The following DOK6 variants were observed in gnomAD, a reference collection of about 807,000 sequenced individuals.
DOK6 encodes the protein docking protein 6.
A neutral mutation model predicts 44.0 loss-of-function variants in DOK6; 22 were observed. The ratio of observed to expected loss-of-function variants is 0.50; its 90% confidence interval spans 0.36 to 0.71. DOK6 has a LOEUF of 0.71. Ranked by LOEUF, DOK6 falls within the 30% of genes least tolerant of loss-of-function variation. The pLI is 0.00. For synonymous variants in DOK6, 166 were observed against 145.5 expected, an observed-to-expected ratio of 1.14 and a Z score of -1.01; for missense variants, 340 against 416.4, an observed-to-expected ratio of 0.82 and a Z score of 1.60.
Position 69,627,730 on chromosome 18 carries a change from G to A in DOK6, c.289+28232G>A, listed in dbSNP as rs764506998. 1.6e-4 allele frequency among the ~76,000 whole-genome samples: 25 copies of A among 152,244 alleles called. 1 individual carries two copies. The highest frequency in any genetic ancestry group is 3.4e-3 in the Middle Eastern group (1 of 294). On this transcript the variant is annotated intron_variant, in intron 3 of 7. Transcript: ENST00000382713. ...TCCCAAAGTGCTGGGATTTACAGGC[G>A]TGACCACCATGCCTGGCCTCACCTT...
intron 5 of DOK6, among the ~76,000 whole-genome samples, chr18:69,701,276 A>G (rs750374559): frequency 6.6e-6 from 1 of 152,252 alleles, no homozygotes. Context: ...TCAGCGCAGC[A>G]TGGCGCCCAG....
intron 3 of DOK6, among the ~76,000 whole-genome samples, chr18:69,653,231 C>T (rs116062612): frequency 0.014 from 2,140 of 151,638 alleles, 51 homozygotes; most frequent in African/African-American, 0.049. Flanking sequence ...ACACAGGCTG[C>T]AAGCCCACCC....
chr18:69,753,824 CT>C (rs11400448), intron 6 of DOK6, among the ~76,000 whole-genome samples: 2 of 149,888 alleles, frequency 1.3e-5, no homozygotes, highest in African/African-American at 4.9e-5. Flanking sequence ...CTGTTTGAGA[CT>C]TTTTTTTTTA....
chr18:69,522,769 G>C (rs1314414644), intron 1 of DOK6, among the ~76,000 whole-genome samples: 2 of 152,060 alleles, frequency 1.3e-5, no homozygotes, highest in Non-Finnish European at 2.9e-5. Context: ...ATATCTCCTT[G>C]TGGGACATTG....
chr18:69,440,805 C>G (rs945208923), intron 1 of DOK6, among the ~76,000 whole-genome samples: 1 of 151,626 alleles, frequency 6.6e-6, no homozygotes, highest in Non-Finnish European at 1.5e-5. Flanking sequence ...ATACGTTGAA[C>G]ATGAAACAAA....
At chr18:69,803,441 A>G (rs1232968344) in intron 7 of DOK6, among the ~76,000 whole-genome samples, 2 of 152,212 alleles carry the variant, frequency 1.3e-5, no homozygotes, top group African/African-American at 2.4e-5. Context: ...TGTCAAATGC[A>G]AGAAAACTGT....
chr18:69,755,420 C>T (rs1979323865), intron 6 of DOK6, among the ~76,000 whole-genome samples: 1 of 152,092 alleles, frequency 6.6e-6, no homozygotes, highest in East Asian at 1.9e-4. Flanking sequence ...AATTATAATA[C>T]ATTAGAAAAA....
At chr18:69,582,621 G>T (rs1247044111) in intron 2 of DOK6, among the ~76,000 whole-genome samples, 3 of 151,876 alleles carry the variant, frequency 2.0e-5, no homozygotes, top group Admixed American at 2.0e-4. Context: ...ATCATCAGTG[G>T]TTTCTATAAT....
intron 1 of DOK6, among the ~76,000 whole-genome samples, chr18:69,440,058 C>T (rs905085042): frequency 6.6e-6 from 1 of 152,092 alleles, no homozygotes; most frequent in African/African-American, 2.4e-5. Flanking sequence ...CACTTAGAGG[C>T]CATTGTAGGG....
At chr18:69,721,328 C>T (rs1010577269) in intron 5 of DOK6, 3 of 152,274 alleles carry the variant, frequency 2.0e-5, no homozygotes, top group East Asian at 1.9e-4. Context: ...ACCTGAAGAG[C>T]GAGAATTTTA....
At chr18:69,555,376 G>T (rs1003600173) in intron 1 of DOK6, among the ~76,000 whole-genome samples, 10 of 152,096 alleles carry the variant, frequency 6.6e-5, no homozygotes, top group Non-Finnish European at 1.5e-4. Flanking sequence ...TGAAATAGGT[G>T]TAGTCTTTTT....
At chr18:69,710,518 G>C (rs1478510755) in intron 5 of DOK6, among the ~76,000 whole-genome samples, 1 of 152,124 alleles carries the variant, frequency 6.6e-6, no homozygotes, top group Non-Finnish European at 1.5e-5. Context: ...TTTGTGTTTG[G>C]AGGTCAAAGA....
At chr18:69,570,320 G>A (rs1271771135) in intron 2 of DOK6, among the ~76,000 whole-genome samples, 1 of 151,964 alleles carries the variant, frequency 6.6e-6, no homozygotes, top group Admixed American at 6.6e-5. Context: ...AATTTCACTG[G>A]GTAGGATTAA....
intron 7 of DOK6, among the ~76,000 whole-genome samples, chr18:69,779,061 A>G (rs1980170517): frequency 6.6e-6 from 1 of 152,114 alleles, no homozygotes; most frequent in Non-Finnish European, 1.5e-5. Flanking sequence ...AAAGCATTAG[A>G]TGCTTATTGC....
chr18:69,488,832 G>T (rs929982645), intron 1 of DOK6, among the ~76,000 whole-genome samples: 10 of 152,160 alleles, frequency 6.6e-5, no homozygotes, highest in Admixed American at 2.6e-4. Context: ...ATATCATCAT[G>T]ATTCACTTAT....
At chr18:69,773,342 T>C (rs1211890325) in intron 7 of DOK6, among the ~76,000 whole-genome samples, 2 of 151,932 alleles carry the variant, frequency 1.3e-5, no homozygotes, top group Non-Finnish European at 2.9e-5. Context: ...CCTACGGGTA[T>C]TTATCAAAAA....
At chr18:69,757,925 G>A (rs1222136223) in intron 7 of DOK6, 52 bp downstream of exon 7, 3 of 1,472,382 alleles carry the variant, frequency 2.0e-6, no homozygotes, top group Non-Finnish European at 2.9e-6. Context: ...TCCTCCAGGT[G>A]GACTGAGTCA....
Position 69,835,460 on chromosome 18 carries a change from G to A in DOK6, c.857-5784G>A, listed in dbSNP as rs189606692. On this transcript the variant is annotated intron_variant, in intron 7 of 7. Transcript: ENST00000382713. Reference sequence around the variant, plus strand: ...AGCCTGGGCGACAGAACGAGACTCCGTCTCAAAAAAACAACAACAACAACA... The same window carrying A: ...AGCCTGGGCGACAGAACGAGACTCCATCTCAAAAAAACAACAACAACAACA... Among the ~76,000 whole-genome samples the A allele has an allele frequency of 4.3e-3, 560 of 131,410 alleles. 2 individuals carry two copies. The highest frequency in any genetic ancestry group is 0.015 in the African/African-American group (524 of 34,726). The allele number at this position is 131,410 out of a possible 152,430, so 86.2% of individuals were successfully genotyped here.
intron 1 of DOK6, among the ~76,000 whole-genome samples, chr18:69,480,023 T>C (rs1316285952): frequency 6.6e-6 from 1 of 152,160 alleles, no homozygotes; most frequent in East Asian, 1.9e-4. Context: ...CTCCAGCTTC[T>C]AAACTAATGA....
Sources: allele counts gnomAD v4.1 joint callset (sites outside exome capture counted in the v4.1 genomes callset), GRCh38; gene constraint gnomAD v4.1.1; transcripts MANE v1.5; gene names NCBI Gene and HGNC (gene_info 2026-07-23, HGNC 2026-07-21).